The following CALN1 variants were observed in gnomAD, a reference collection of about 807,000 sequenced individuals.
CALN1 encodes the protein calcium-binding protein 8.
A neutral mutation model predicts 30.6 loss-of-function variants in CALN1; 17 were observed. The observed-to-expected ratio is 0.56, with a 90% CI of 0.38 to 0.83. The LOEUF (loss-of-function observed/expected upper bound fraction) is 0.83. CALN1 is among the 40% of genes least tolerant of loss of function. The probability of loss-of-function intolerance (pLI) is 0.00; values close to 1 mark genes in which losing one functional copy is unlikely to be tolerated. For missense variants in CALN1, 291 were observed against 354.9 expected (o/e 0.82, Z 1.45); for synonymous variants, 156 against 131.4 (o/e 1.19, Z -1.28).
chr7:72,322,608 TA>T (rs1436402869), intron 2 of CALN1, among the ~76,000 whole-genome samples: 2 of 151,820 alleles, frequency 1.3e-5, no homozygotes, highest in East Asian at 3.9e-4. Context: ...AACTAAAAAT[TA>T]AAACAATTGA....
chr7:72,222,864 CA>C (rs35260977), intron 3 of CALN1, among the ~76,000 whole-genome samples: 52,729 of 151,792 alleles, frequency 0.35, 10,301 homozygotes, highest in Middle Eastern at 0.53. Context: ...TGATCAAAAC[CA>C]TACAAATTAT....
chr7:72,090,515 CTTAA>C (rs745341829), intron 4 of CALN1, among the ~76,000 whole-genome samples: 2 of 151,972 alleles, frequency 1.3e-5, no homozygotes, highest in Non-Finnish European at 2.9e-5. Flanking sequence ...TCCTAGTTGC[CTTAA>C]TTATTAAATA....
intron 1 of CALN1, among the ~76,000 whole-genome samples, chr7:72,440,135 G>C (rs1380868731): frequency 6.6e-6 from 1 of 152,184 alleles, no homozygotes; most frequent in Non-Finnish European, 1.5e-5. Context: ...GTTTAAAACA[G>C]ACAAATGGTT....
At chr7:71,912,819 A>C (rs10950285) in intron 5 of CALN1, among the ~76,000 whole-genome samples, 49,980 of 152,030 alleles carry the variant, frequency 0.33, 9,220 homozygotes, top group East Asian at 0.53. Context: ...ATCTGGCAGT[A>C]CTGAGTTTGG....
At chr7:72,242,253 C>T (rs1389347852) in intron 3 of CALN1, among the ~76,000 whole-genome samples, 1 of 152,164 alleles carries the variant, frequency 6.6e-6, no homozygotes, top group Non-Finnish European at 1.5e-5. Context: ...AATGGCTATA[C>T]CACATTCTTT....
chr7:71,921,132 C>T (rs1794923931), intron 5 of CALN1, among the ~76,000 whole-genome samples: 1 of 152,288 alleles, frequency 6.6e-6, no homozygotes, highest in Non-Finnish European at 1.5e-5. Context: ...CATACTCTCA[C>T]TCATAAATGG....
chr7:71,949,320 T>C (rs567919395), intron 5 of CALN1, among the ~76,000 whole-genome samples: 20 of 152,144 alleles, frequency 1.3e-4, no homozygotes, highest in Non-Finnish European at 2.9e-4. Context: ...TGACTGTAAC[T>C]TTACTTCATC....
chr7:72,196,073 G>C (rs1393219326), intron 3 of CALN1, among the ~76,000 whole-genome samples: 1 of 152,010 alleles, frequency 6.6e-6, no homozygotes, highest in African/African-American at 2.4e-5. Flanking sequence ...GATATGGCGA[G>C]ATTGGAGGAG....
chr7:72,049,908 C>T (rs1010513392), intron 4 of CALN1, among the ~76,000 whole-genome samples: 2 of 150,820 alleles, frequency 1.3e-5, no homozygotes, highest in South Asian at 2.1e-4. Context: ...CTCCCAAGTT[C>T]GAGTGATTCT....
chr7:72,367,864 T>G (rs1803967303), intron 2 of CALN1, among the ~76,000 whole-genome samples: 1 of 151,804 alleles, frequency 6.6e-6, no homozygotes, highest in African/African-American at 2.4e-5. Context: ...CCGGGTCCAG[T>G]GGCTCACACC....
intron 3 of CALN1, among the ~76,000 whole-genome samples, chr7:72,180,616 T>C (rs906283925): frequency 3.4e-5 from 5 of 148,744 alleles, no homozygotes; most frequent in African/African-American, 9.8e-5. Context: ...TCTTTTTTTT[T>C]TTTTTTTTAG....
the CALN1 span, among the ~76,000 whole-genome samples, chr7:72,480,751 C>T: frequency 2.6e-5 from 4 of 151,948 alleles, no homozygotes; most frequent in Non-Finnish European, 4.4e-5. Context: ...TTTAAGTGAA[C>T]TTTGATAGCT....
chr7:72,246,904 G>A (rs1416261903), intron 3 of CALN1, among the ~76,000 whole-genome samples: 9 of 152,016 alleles, frequency 5.9e-5, no homozygotes, highest in African/African-American at 1.2e-4. Flanking sequence ...ACAGGCATGC[G>A]CCACCATGCC....
At chr7:72,091,076 C>T (rs1227557325) in intron 4 of CALN1, among the ~76,000 whole-genome samples, 2 of 152,028 alleles carry the variant, frequency 1.3e-5, no homozygotes, top group African/African-American at 4.8e-5. Context: ...GCCTGTAATC[C>T]CAGCATTTTG....
At position 71,815,933 on chromosome 7, in the gene CALN1, A is replaced by G. The variant is rs534365458; in HGVS notation, c.502-5441T>C. Among the ~76,000 whole-genome samples, 5 of 150,404 alleles carry G rather than the reference A, an allele frequency of 3.3e-5. No homozygotes were observed. The South Asian group carries it at 1.1e-3, about 32-fold the overall frequency. On this transcript the variant is annotated intron_variant, in intron 5 of 6. Coordinates refer to ENST00000395275, the MANE Select transcript of CALN1 (RefSeq NM_031468.4). ...TGCTTTGTCACCCAGGCTAGAGTGC[A>G]GTAGTGCGATCATAGCTTACCGCAG... is the stretch of plus-strand genomic sequence containing the variant.
intron 5 of CALN1, among the ~76,000 whole-genome samples, chr7:71,917,356 T>C (rs1794732866): frequency 6.6e-6 from 1 of 152,190 alleles, no homozygotes. Context: ...ATATACAGAA[T>C]GGCGATTATT....
chr7:71,954,485 T>TA (rs1349752120), intron 5 of CALN1, among the ~76,000 whole-genome samples: 2 of 150,682 alleles, frequency 1.3e-5, no homozygotes, highest in African/African-American at 4.9e-5. Flanking sequence ...AAAAAAAAAT[T>TA]AAAAATAATA....
intron 5 of CALN1, among the ~76,000 whole-genome samples, chr7:71,854,379 A>G (rs546919927): frequency 6.6e-6 from 1 of 152,104 alleles, no homozygotes; most frequent in African/African-American, 2.4e-5. Context: ...CAGACAGAGA[A>G]AGAAAGAAAG....
intron 4 of CALN1, among the ~76,000 whole-genome samples, chr7:72,078,376 T>C (rs777312275): frequency 5.9e-5 from 9 of 152,114 alleles, no homozygotes; most frequent in Non-Finnish European, 1.3e-4. Context: ...AGTGGGTTTT[T>C]GGTCCTCTTG....
Sources: gnomAD v4.1 joint callset for allele counts (sites outside exome capture counted in the v4.1 genomes callset) on GRCh38, gnomAD v4.1.1 for gene constraint, MANE v1.5 for transcripts, NCBI Gene and HGNC (gene_info 2026-07-23, HGNC 2026-07-21) for gene names.